The following CREBBP variants were observed in gnomAD, a reference collection of about 807,000 sequenced individuals.
CREBBP encodes CREB binding lysine acetyltransferase, also known as CREB-binding protein.
In CREBBP, 19 loss-of-function variants were observed where a neutral mutation model predicts 265.0. That is an observed-to-expected ratio of 0.07 (90% confidence interval 0.05 to 0.11). The LOEUF is 0.11. Ranked by LOEUF, CREBBP falls within the 10% of genes least tolerant of loss-of-function variation. The pLI is 1.00. For missense variants in CREBBP, 2,525 were observed against 3,219.0 expected (o/e 0.78, Z 5.22); for synonymous variants, 1,457 against 1,223.7 (o/e 1.19, Z -3.98).
intron 1 of CREBBP, among the ~76,000 whole-genome samples, chr16:3,874,302 G>C (rs559869623): frequency 6.6e-5 from 10 of 152,156 alleles, no homozygotes; most frequent in South Asian, 6.2e-4. Context: ...GGGCTCTCCC[G>C]GGCTCCACAT....
chr16:3,791,497 GT>G (rs1363612954), intron 5 of CREBBP, among the ~76,000 whole-genome samples: 1 of 152,174 alleles, frequency 6.6e-6, no homozygotes, highest in Non-Finnish European at 1.5e-5. Flanking sequence ...AAATGTCTGT[GT>G]GGGATTTTAT....
intron 20 of CREBBP, among the ~76,000 whole-genome samples, chr16:3,750,015 G>A (rs915665238): frequency 1.3e-5 from 2 of 152,096 alleles, no homozygotes; most frequent in Non-Finnish European, 2.9e-5. Context: ...ATCCTCCTGG[G>A]TAGCTGGGAC....
chr16:3,820,008 A>ATGTAAGG (rs1289179082), intron 2 of CREBBP, among the ~76,000 whole-genome samples: 1 of 152,224 alleles, frequency 6.6e-6, no homozygotes, highest in Non-Finnish European at 1.5e-5. Flanking sequence ...GTTGGTATAC[A>ATGTAAGG]TGTAAAACCA....
chr16:3,875,080 T>C (rs1282081922), intron 1 of CREBBP, among the ~76,000 whole-genome samples: 1 of 152,176 alleles, frequency 6.6e-6, no homozygotes, highest in Admixed American at 6.5e-5. Context: ...ACACACTACT[T>C]AGAAGCTGTG....
chr16:3,838,104 G>T (rs1646809639), intron 2 of CREBBP, among the ~76,000 whole-genome samples: 1 of 152,182 alleles, frequency 6.6e-6, no homozygotes, highest in African/African-American at 2.4e-5. Flanking sequence ...AAAGTGCTGG[G>T]ATTGCAGGCA....
intron 28 of CREBBP, among the ~76,000 whole-genome samples, chr16:3,733,434 G>C (rs904020249): frequency 6.6e-6 from 1 of 151,488 alleles, no homozygotes; most frequent in African/African-American, 2.4e-5. Flanking sequence ...TGGGTCCTCC[G>C]CAGGATTCAG....
chr16:3,814,215 CTGTGTGTGTGTGTG>C (rs6145729), intron 2 of CREBBP, among the ~76,000 whole-genome samples: 5,461 of 104,020 alleles, frequency 0.052, 266 homozygotes, highest in South Asian at 0.2. Context: ...GAGTCTCGTT[CTGTGTGTGTGTGTG>C]TGTGTGTGTG....
intron 3 of CREBBP, among the ~76,000 whole-genome samples, chr16:3,810,238 A>C (rs1664993178): frequency 6.6e-6 from 1 of 152,228 alleles, no homozygotes. Context: ...ACGGTAATAC[A>C]AATCAATGGG....
At chr16:3,746,295 T>G (rs1030050393) in intron 21 of CREBBP, among the ~76,000 whole-genome samples, 7 of 152,054 alleles carry the variant, frequency 4.6e-5, no homozygotes. Context: ...TACCCTCATC[T>G]GGCTTCTCTG....
chr16:3,768,730 G>A (rs1284269331), intron 15 of CREBBP, among the ~76,000 whole-genome samples: 1 of 152,164 alleles, frequency 6.6e-6, no homozygotes, highest in African/African-American at 2.4e-5. Flanking sequence ...CAGAAATCTA[G>A]AGTTTTATTT....
intron 1 of CREBBP, among the ~76,000 whole-genome samples, chr16:3,862,909 A>G (rs750775244): frequency 1.3e-5 from 2 of 152,192 alleles, no homozygotes; most frequent in Non-Finnish European, 2.9e-5. Flanking sequence ...CAGGACAAAT[A>G]TTCTTCATGT....
intron 3 of CREBBP, among the ~76,000 whole-genome samples, chr16:3,809,029 G>C (rs1201443187): frequency 6.6e-6 from 1 of 152,106 alleles, no homozygotes; most frequent in East Asian, 1.9e-4. Flanking sequence ...ATCAGGAACA[G>C]GACAATCCTG....
intron 13 of CREBBP, among the ~76,000 whole-genome samples, chr16:3,771,686 G>A (rs561861349): frequency 6.6e-6 from 1 of 152,002 alleles, no homozygotes; most frequent in South Asian, 2.1e-4. Flanking sequence ...ACTAAGAGGT[G>A]GGTAGTGTCT....
chr16:3,850,315 C>T lies in CREBBP; in HGVS notation c.780G>A (p.Gln260=), dbSNP rs1038969270. 1.2e-6 allele frequency: 2 copies of T among 1,614,236 alleles called. No individual in the cohort carries two copies. The highest frequency in any genetic ancestry group is 1.7e-6 in the Non-Finnish European group (2 of 1,180,040). The change falls in exon 2 of 31, where the codon CAG becomes CAA. Residue 260 remains glutamine (Q), a synonymous_variant. Coordinates refer to ENST00000262367, the MANE Select transcript of CREBBP (RefSeq NM_004380.3). ...MTGHAGLNTA[Q]AGGMAKMGIT... is the part of the protein sequence containing the mutation. Reference sequence around the variant, plus strand: ...CACTTACCTTGGCCATGCCTCCTGCCTGTGCGGTGTTCAGTCCCGCGTGAC... The same window carrying T: ...CACTTACCTTGGCCATGCCTCCTGCTTGTGCGGTGTTCAGTCCCGCGTGAC...
chr16:3,815,667 T>C (rs898965502), intron 2 of CREBBP, among the ~76,000 whole-genome samples: 2 of 151,894 alleles, frequency 1.3e-5, no homozygotes, highest in Non-Finnish European at 2.9e-5. Flanking sequence ...ATTTTTAATT[T>C]TGGGAGGTAC....
At chr16:3,804,053 C>T (rs912787624) in intron 3 of CREBBP, among the ~76,000 whole-genome samples, 1 of 151,448 alleles carries the variant, frequency 6.6e-6, no homozygotes, top group African/African-American at 2.4e-5. Flanking sequence ...CACTGCACTC[C>T]AAATGGGGTG....
In CREBBP at chr16:3,850,607, G is replaced by C. The variant is rs2141493181; in HGVS notation, c.488C>G (p.Thr163Ser). Residue 163 changes from threonine (T) to serine (S), a missense_variant, in exon 2 of 31, where the codon ACT (threonine) becomes AGT (serine). This residue lies in a region of CREBBP where 356 missense variants were observed against 340.4 expected (regional missense o/e 1.05). Coordinates refer to ENST00000262367, the MANE Select transcript of CREBBP (RefSeq NM_004380.3). ...AGTCTGTGACGTGGCAGGGCTGCTAGTCGCCAGCCCCACTTGCTTTTGTGC... is the reference window on the plus strand; with the variant it reads ...AGTCTGTGACGTGGCAGGGCTGCTACTCGCCAGCCCCACTTGCTTTTGTGC... ...PQAQKQVGLA[T>S]SSPATSQTGP... 2 of 1,614,262 alleles carry C rather than the reference G, an allele frequency of 1.2e-6. No homozygotes were observed. Among genetic ancestry groups the C allele is most frequent in the Non-Finnish European group, 1.7e-6 (2 of 1,180,046 alleles).
intron 16 of CREBBP, among the ~76,000 whole-genome samples, chr16:3,764,108 G>C (rs1322851863): frequency 6.6e-6 from 1 of 152,022 alleles, no homozygotes; most frequent in African/African-American, 2.4e-5. Context: ...AAAAATACCA[G>C]CCATGCTTAA....
chr16:3,797,208 CAAAAGTA>C (rs1484810189), intron 3 of CREBBP, among the ~76,000 whole-genome samples: 1 of 152,098 alleles, frequency 6.6e-6, no homozygotes, highest in Admixed American at 6.5e-5. Flanking sequence ...GAAGCTGCCC[CAAAAGTA>C]ATCTACGTTT....
Sources: allele counts gnomAD v4.1 joint callset (sites outside exome capture counted in the v4.1 genomes callset), GRCh38; gene constraint gnomAD v4.1.1; regional missense constraint gnomAD v4.1.1; transcripts MANE v1.5; gene names NCBI Gene and HGNC (gene_info 2026-07-23, HGNC 2026-07-21).